PPP4R2: variants seen among roughly 807,000 people sequenced by gnomAD.
PPP4R2 encodes the protein serine/threonine-protein phosphatase 4 regulatory subunit 2.
In PPP4R2, 13 loss-of-function variants were observed where a neutral mutation model predicts 47.2. That is an observed-to-expected ratio of 0.28 (90% confidence interval 0.18 to 0.44). The LOEUF (loss-of-function observed/expected upper bound fraction) is 0.44. Among genes scored for constraint, PPP4R2 ranks in the 20% least tolerant of loss-of-function variants. The probability of loss-of-function intolerance (pLI) is 1.00; values close to 1 mark genes in which losing one functional copy is unlikely to be tolerated. For synonymous variants in PPP4R2, 151 were observed against 163.3 expected (o/e 0.92, Z 0.57); for missense variants, 421 against 491.2 (o/e 0.86, Z 1.35).
intron 2 of PPP4R2, among the ~76,000 whole-genome samples, chr3:73,034,813 A>G (rs1702233309): frequency 6.6e-6 from 1 of 151,504 alleles, no homozygotes. Context: ...GGTTACAGGC[A>G]TTGGCTACTC....
At chr3:73,044,768 G>A (rs1371785215) in intron 2 of PPP4R2, among the ~76,000 whole-genome samples, 4 of 152,138 alleles carry the variant, frequency 2.6e-5, no homozygotes, top group South Asian at 2.1e-4. Context: ...GGAGAAGTGC[G>A]TATTTAAGTA....
At chr3:73,053,542 A>G (rs1034034766) in intron 3 of PPP4R2, among the ~76,000 whole-genome samples, 12 of 152,178 alleles carry the variant, frequency 7.9e-5, no homozygotes, top group African/African-American at 2.9e-4. Context: ...CAATTGCTAT[A>G]GATTAATTTT....
rs1006260087 is a variant in PPP4R2 at position 73,053,378 on chromosome 3, T to C, written c.288-5659T>C. Reference sequence around the variant, plus strand: ...CACCTGGTCTTGTCTAGTGGTAATATGGCTTGATGTGATACTCTCTTTAAT... The same window carrying C: ...CACCTGGTCTTGTCTAGTGGTAATACGGCTTGATGTGATACTCTCTTTAAT... On this transcript the variant is annotated intron_variant, in intron 3 of 8. Coordinates refer to ENST00000356692, the MANE Select transcript of PPP4R2 (RefSeq NM_174907.4). Among the ~76,000 whole-genome samples, 3 of 152,164 alleles carry C rather than the reference T, an allele frequency of 2.0e-5. No homozygotes were observed. The East Asian group carries it at 5.8e-4, about 29-fold the overall frequency.
chr3:73,047,160 T>C (rs1392535780), intron 2 of PPP4R2, 26 bp from the exon 3 acceptor site: 6 of 1,328,384 alleles, frequency 4.5e-6, no homozygotes, highest in Non-Finnish European at 6.2e-6. Flanking sequence ...CATGGTATTA[T>C]ATATTTTTTA....
chr3:73,033,446 G>A (rs1702205880), intron 2 of PPP4R2, among the ~76,000 whole-genome samples: 1 of 152,124 alleles, frequency 6.6e-6, no homozygotes, highest in Admixed American at 6.5e-5. Flanking sequence ...TCACTCTTCA[G>A]CAACTCTTGT....
intron 2 of PPP4R2, among the ~76,000 whole-genome samples, chr3:73,037,804 T>C (rs1559559025): frequency 6.6e-6 from 1 of 152,134 alleles, no homozygotes; most frequent in Non-Finnish European, 1.5e-5. Flanking sequence ...TAGGTTCTCT[T>C]GTACCATCAC....
chr3:73,040,521 A>C (rs1702356445), intron 2 of PPP4R2, among the ~76,000 whole-genome samples: 1 of 93,580 alleles, frequency 1.1e-5, no homozygotes, highest in South Asian at 4.9e-4. Context: ...TTTTTTTTGG[A>C]GACAGTCTTG....
intron 2 of PPP4R2, among the ~76,000 whole-genome samples, chr3:73,035,864 C>T (rs1702252472): frequency 6.6e-6 from 1 of 152,142 alleles, no homozygotes; most frequent in African/African-American, 2.4e-5. Flanking sequence ...GATCCGCCCA[C>T]CTCTGCCTCC....
chr3:73,064,738 T>A, intron 7 of PPP4R2, 114 bp from the exon 8 acceptor site: 1 of 910,526 alleles, frequency 1.1e-6, no homozygotes, highest in Non-Finnish European at 1.7e-6. Flanking sequence ...TCAGGTGTTA[T>A]AATTTAACTT....
chr3:73,026,243 A>T (rs138422189), intron 2 of PPP4R2, among the ~76,000 whole-genome samples: 6 of 152,186 alleles, frequency 3.9e-5, no homozygotes, highest in African/African-American at 1.4e-4. Context: ...AAATTACTCA[A>T]TTCTCTAGTA....
chr3:73,005,079 A>ATT (rs1701576968), intron 2 of PPP4R2, among the ~76,000 whole-genome samples: 1 of 151,776 alleles, frequency 6.6e-6, no homozygotes, highest in South Asian at 2.1e-4. Flanking sequence ...AGTAGCTGGC[A>ATT]TTACAGGTGC....
At position 73,066,956 on chromosome 3, in the gene PPP4R2, T is replaced by G. The variant is rs1387683448; in HGVS notation, c.*1234T>G. 1 of 152,140 alleles carries G rather than the reference T, an allele frequency of 6.6e-6. No individual in the cohort carries two copies. The highest frequency in any genetic ancestry group is 2.4e-5 in the African/African-American group (1 of 41,468). The allele number at this position is 152,140 out of a possible 1,614,324, so 9.4% of individuals were successfully genotyped here. ...TATTTTCAAATTTACATATTTAAAG[T>G]CATGCAAGCTGTAACTTCCCTGTCA... On this transcript the variant is annotated 3_prime_UTR_variant, in exon 9 of 9. Coordinates refer to ENST00000356692, the MANE Select transcript of PPP4R2 (RefSeq NM_174907.4).
intron 2 of PPP4R2, chr3:73,014,879 C>A: frequency 2.0e-6 from 1 of 507,084 alleles, no homozygotes; most frequent in South Asian, 3.1e-5. Context: ...TTTATTTATT[C>A]ATTTTAATGA....
intron 2 of PPP4R2, among the ~76,000 whole-genome samples, chr3:73,005,855 A>T (rs1044303441): frequency 2.0e-5 from 3 of 151,312 alleles, no homozygotes; most frequent in African/African-American, 4.9e-5. Flanking sequence ...AATCAGTGTT[A>T]TTGAGGTATA....
At chr3:73,002,121 A>G (rs891004172) in intron 2 of PPP4R2, among the ~76,000 whole-genome samples, 1 of 152,194 alleles carries the variant, frequency 6.6e-6, no homozygotes, top group African/African-American at 2.4e-5. Context: ...TGCTTGACTT[A>G]ACTTCACTTA....
In PPP4R2 at chr3:73,044,056, ATTTC is replaced by A. The variant is rs141450242; in HGVS notation, c.117-3125_117-3122del. On this transcript the variant is annotated intron_variant, in intron 2 of 8. Coordinates refer to ENST00000356692, the MANE Select transcript of PPP4R2 (RefSeq NM_174907.4). ...GCCATCAAGCTTAATCCATGTCAGA[ATTTC>A]TTTCAGATTAAAGACTGGATAATAT... 4.9e-3 allele frequency among the ~76,000 whole-genome samples: 743 copies of A among 152,244 alleles called. 7 individuals are homozygous for A. Among genetic ancestry groups the A allele is most frequent in the African/African-American group, 0.017 (711 of 41,536 alleles).
At chr3:73,058,028 C>G (rs1199622510) in intron 3 of PPP4R2, among the ~76,000 whole-genome samples, 1 of 152,072 alleles carries the variant, frequency 6.6e-6, no homozygotes, top group Non-Finnish European at 1.5e-5. Flanking sequence ...TTTGTCGTAC[C>G]TCGTGCTCAT....
At chr3:73,013,643 T>TA (rs1256675571) in intron 2 of PPP4R2, among the ~76,000 whole-genome samples, 2 of 113,666 alleles carry the variant, frequency 1.8e-5, no homozygotes, top group Non-Finnish European at 3.6e-5. Flanking sequence ...CTTTTTTCTT[T>TA]TTCTTTTTTT....
chr3:73,020,305 C>T (rs1358577365), intron 2 of PPP4R2, among the ~76,000 whole-genome samples: 4 of 152,128 alleles, frequency 2.6e-5, no homozygotes, highest in African/African-American at 9.7e-5. Flanking sequence ...CTCCTGTCCT[C>T]AGCCTCCTGA....
Sources: allele counts gnomAD v4.1 joint callset (sites outside exome capture counted in the v4.1 genomes callset), GRCh38; gene constraint gnomAD v4.1.1; transcripts MANE v1.5; gene names NCBI Gene and HGNC (gene_info 2026-07-23, HGNC 2026-07-21).